LDB2: variants seen among roughly 807,000 people sequenced by gnomAD.
LDB2 encodes LIM domain binding 2.
Under a neutral mutation model 44.3 loss-of-function variants are expected in LDB2, and 12 were observed. The ratio of observed to expected loss-of-function variants is 0.27; its 90% CI spans 0.17 to 0.44. The LOEUF is 0.44. Among genes scored for constraint, LDB2 ranks in the 20% least tolerant of loss-of-function variants. LDB2 has a pLI of 1.00. For synonymous variants in LDB2, 164 were observed against 174.8 expected (o/e 0.94, Z 0.49); for missense variants, 344 against 473.5 (o/e 0.73, Z 2.54).
intron 2 of LDB2, among the ~76,000 whole-genome samples, chr4:16,733,698 CCT>C (rs766955882): frequency 9.9e-5 from 15 of 152,278 alleles, no homozygotes; most frequent in Non-Finnish European, 2.1e-4. Flanking sequence ...CCAGCAATCC[CCT>C]GATAGGCTGA....
chr4:16,749,775 A>G (rs1388534406), intron 2 of LDB2, among the ~76,000 whole-genome samples: 1 of 151,986 alleles, frequency 6.6e-6, no homozygotes, highest in Non-Finnish European at 1.5e-5. Flanking sequence ...CATGGGTCAC[A>G]TTTGTGCTAT....
chr4:16,816,952 G>A (rs778063154), intron 1 of LDB2, among the ~76,000 whole-genome samples: 27 of 151,916 alleles, frequency 1.8e-4, no homozygotes, highest in Middle Eastern at 3.4e-3. Flanking sequence ...TGTCATCTGC[G>A]CCCTGTACTT....
At chr4:16,566,135 G>C (rs1015958358) in intron 5 of LDB2, among the ~76,000 whole-genome samples, 1 of 151,808 alleles carries the variant, frequency 6.6e-6, no homozygotes, top group African/African-American at 2.4e-5. Context: ...AATTTAACCA[G>C]ATTTCAATAA....
intron 1 of LDB2, among the ~76,000 whole-genome samples, chr4:16,759,689 T>A (rs1280752627): frequency 6.6e-6 from 1 of 152,170 alleles, no homozygotes. Context: ...TTTTCATACA[T>A]AATTTAATCA....
intron 4 of LDB2, among the ~76,000 whole-genome samples, chr4:16,587,159 A>G (rs545496739): frequency 3.3e-5 from 5 of 152,304 alleles, no homozygotes; most frequent in African/African-American, 9.6e-5. Flanking sequence ...AAAAGACAGG[A>G]AAGATAATAA....
intron 2 of LDB2, among the ~76,000 whole-genome samples, chr4:16,689,026 C>T (rs1050488640): frequency 6.6e-6 from 1 of 152,188 alleles, no homozygotes; most frequent in Non-Finnish European, 1.5e-5. Flanking sequence ...GAGACCATCG[C>T]TAGGGGACTG....
intron 2 of LDB2, among the ~76,000 whole-genome samples, chr4:16,723,380 G>A (rs372757763): frequency 2.6e-5 from 4 of 152,088 alleles, no homozygotes; most frequent in South Asian, 2.1e-4. Flanking sequence ...GAGAGAGCTC[G>A]CTTTTAGAAC....
intron 1 of LDB2, among the ~76,000 whole-genome samples, chr4:16,857,188 G>A (rs1359961062): frequency 2.6e-5 from 4 of 152,164 alleles, no homozygotes; most frequent in Admixed American, 1.3e-4. Context: ...GGGGCAGGTC[G>A]AGGGAAGCCC....
chr4:16,588,914 G>A, intron 3 of LDB2, 82 bp from the exon 4 acceptor site: 1 of 1,507,616 alleles, frequency 6.6e-7, no homozygotes, highest in Non-Finnish European at 9.1e-7. Context: ...ACTCAGCGTG[G>A]TCTCCCTTTC....
intron 1 of LDB2, among the ~76,000 whole-genome samples, chr4:16,820,274 CT>C (rs1561341686): frequency 1.3e-5 from 2 of 152,098 alleles, no homozygotes; most frequent in African/African-American, 2.4e-5. Context: ...TTTTAAAGCA[CT>C]TTTTATTATT....
chr4:16,860,939 A>G (rs564333740), intron 1 of LDB2, among the ~76,000 whole-genome samples: 1 of 152,252 alleles, frequency 6.6e-6, no homozygotes, highest in East Asian at 1.9e-4. Flanking sequence ...ATCTAAAATA[A>G]TTTGCCAAAA....
At chr4:16,898,290 A>C (rs1412242503) in intron 1 of LDB2, 64 bp downstream of exon 1, 1 of 1,509,444 alleles carries the variant, frequency 6.6e-7, no homozygotes, top group Non-Finnish European at 9.1e-7. Context: ...CAGAAACCCT[A>C]GGAAAAGCTC....
At chr4:16,713,530 G>A (rs1463350336) in intron 2 of LDB2, among the ~76,000 whole-genome samples, 1 of 152,140 alleles carries the variant, frequency 6.6e-6, no homozygotes, top group Non-Finnish European at 1.5e-5. Context: ...AACCTCAACT[G>A]AGTAACAATT....
chr4:16,622,174 C>A (rs1297088612), intron 2 of LDB2, among the ~76,000 whole-genome samples: 4 of 152,138 alleles, frequency 2.6e-5, no homozygotes, highest in African/African-American at 4.8e-5. Context: ...ATAGGGAAAG[C>A]TACTCTGATA....
intron 1 of LDB2, among the ~76,000 whole-genome samples, chr4:16,821,805 C>G (rs1782135777): frequency 7.1e-6 from 1 of 141,042 alleles, no homozygotes; most frequent in African/African-American, 2.6e-5. Context: ...CTGGGCAAAT[C>G]GCCCAGGTTC....
At chr4:16,789,484 G>A (rs902288161) in intron 1 of LDB2, among the ~76,000 whole-genome samples, 2 of 152,120 alleles carry the variant, frequency 1.3e-5, no homozygotes, top group African/African-American at 2.4e-5. Flanking sequence ...TAAAGTGAAC[G>A]GGACCATCTA....
chr4:16,737,824 C>A (rs183446612), intron 2 of LDB2, among the ~76,000 whole-genome samples: 42 of 152,216 alleles, frequency 2.8e-4, no homozygotes, highest in Admixed American at 3.9e-4. Context: ...TTTTTACTAT[C>A]CTTCTTTCTT....
chr4:16,561,339 C>T (rs572452546), intron 5 of LDB2, among the ~76,000 whole-genome samples: 1 of 152,300 alleles, frequency 6.6e-6, no homozygotes, highest in Admixed American at 6.5e-5. Flanking sequence ...AGCTGAAAAT[C>T]TCCTTAAGCT....
chr4:16,743,905 G>T (rs73799260), intron 2 of LDB2, among the ~76,000 whole-genome samples: 1 of 152,094 alleles, frequency 6.6e-6, no homozygotes, highest in Non-Finnish European at 1.5e-5. Context: ...TTGGTAATTT[G>T]ATATTCTGCA....
Sources: allele counts gnomAD v4.1 joint callset (sites outside exome capture counted in the v4.1 genomes callset), GRCh38; gene constraint gnomAD v4.1.1; transcripts MANE v1.5; gene names NCBI Gene and HGNC (gene_info 2026-07-23, HGNC 2026-07-21).